Variants in STK39 observed in about 807,000 individuals in gnomAD.
STK39 encodes serine/threonine kinase 39.
A neutral mutation model predicts 77.8 loss-of-function variants in STK39; 20 were observed. That is an observed-to-expected ratio of 0.26 (90% CI 0.18 to 0.37). The LOEUF (loss-of-function observed/expected upper bound fraction) is 0.37. Ranked by LOEUF, STK39 falls within the 10% of genes least tolerant of loss-of-function variation. The pLI, the probability that STK39 is intolerant of heterozygous loss-of-function variation, is 1.00. For synonymous variants in STK39, 246 were observed against 234.1 expected (o/e 1.05, Z -0.47); for missense variants, 479 against 656.5 (o/e 0.73, Z 2.95).
chr2:168,246,451 G>A (rs1429639404), intron 1 of STK39, among the ~76,000 whole-genome samples: 5 of 152,250 alleles, frequency 3.3e-5, no homozygotes, highest in Admixed American at 1.3e-4. Flanking sequence ...CGGCAGCCTC[G>A]GATTTCACTC....
At chr2:168,126,966 T>C (rs538571856) in intron 10 of STK39, among the ~76,000 whole-genome samples, 22 of 152,182 alleles carry the variant, frequency 1.4e-4, no homozygotes, top group African/African-American at 4.8e-4. Context: ...CCACCTTGCA[T>C]TTGAAGGGAT....
intron 1 of STK39, chr2:168,231,972 A>G: frequency 1.7e-5 from 4 of 239,248 alleles, no homozygotes; most frequent in Non-Finnish European, 2.8e-5. Flanking sequence ...GATCTGTCTT[A>G]GAGCTCCTCA....
intron 10 of STK39, among the ~76,000 whole-genome samples, chr2:168,093,913 A>G (rs190459326): frequency 5.5e-4 from 83 of 152,278 alleles, no homozygotes; most frequent in African/African-American, 1.9e-3. Flanking sequence ...CCACCTCTGC[A>G]TATCTTCCCT....
chr2:168,225,591 A>G (rs1220086989), intron 1 of STK39, among the ~76,000 whole-genome samples: 1 of 152,218 alleles, frequency 6.6e-6, no homozygotes, highest in African/African-American at 2.4e-5. Context: ...CCCAATTTAC[A>G]ATCCATAAGG....
chr2:167,995,194 C>T (rs1683804277), intron 16 of STK39, among the ~76,000 whole-genome samples: 1 of 152,056 alleles, frequency 6.6e-6, no homozygotes, highest in African/African-American at 2.4e-5. Flanking sequence ...ACTGCAACCT[C>T]TGCCTCCCGG....
chr2:168,111,054 C>T (rs1188564289), intron 10 of STK39, among the ~76,000 whole-genome samples: 1 of 152,048 alleles, frequency 6.6e-6, no homozygotes, highest in Non-Finnish European at 1.5e-5. Flanking sequence ...GACTACTCAT[C>T]TTTCTATTTT....
At chr2:168,040,599 A>T (rs115235435) in intron 14 of STK39, among the ~76,000 whole-genome samples, 1,535 of 152,336 alleles carry the variant, frequency 0.01, 33 homozygotes, top group African/African-American at 0.035. Flanking sequence ...CCTTCCCAAT[A>T]AATTTTTTAT....
At chr2:167,957,252 A>G (rs983445868) in intron 17 of STK39, among the ~76,000 whole-genome samples, 3 of 152,332 alleles carry the variant, frequency 2.0e-5, no homozygotes, top group Admixed American at 1.3e-4. Context: ...AAAGAAAGGA[A>G]TTTACTTTGT....
At chr2:168,162,949 C>G (rs1191437919) in intron 4 of STK39, among the ~76,000 whole-genome samples, 3 of 151,674 alleles carry the variant, frequency 2.0e-5, no homozygotes, top group Non-Finnish European at 4.4e-5. Context: ...ATTGCTTGAA[C>G]TCGGGAGGCA....
At chr2:168,028,416 G>A (rs1227427722) in intron 14 of STK39, among the ~76,000 whole-genome samples, 1 of 152,120 alleles carries the variant, frequency 6.6e-6, no homozygotes, top group Non-Finnish European at 1.5e-5. Context: ...TCAAGATTAT[G>A]GAACTATAAT....
intron 16 of STK39, among the ~76,000 whole-genome samples, chr2:168,003,297 C>T (rs147287398): frequency 1.3e-5 from 2 of 152,136 alleles, no homozygotes; most frequent in Admixed American, 1.3e-4. Context: ...TATCTTAATT[C>T]ATCTAGAAAT....
chr2:168,034,262 T>C (rs1464940601), intron 14 of STK39, among the ~76,000 whole-genome samples: 1 of 152,230 alleles, frequency 6.6e-6, no homozygotes, highest in Non-Finnish European at 1.5e-5. Context: ...AGACTGGGAT[T>C]GACTTACCTT....
At chr2:168,089,264 C>T (rs1448426878) in intron 10 of STK39, among the ~76,000 whole-genome samples, 1 of 152,214 alleles carries the variant, frequency 6.6e-6, no homozygotes, top group Non-Finnish European at 1.5e-5. Context: ...ATTCTCCCTG[C>T]CTTCTTCGTC....
At chr2:167,956,726 T>TCCCC (rs1559032457) in intron 17 of STK39, among the ~76,000 whole-genome samples, 1 of 47,758 alleles carries the variant, frequency 2.1e-5, no homozygotes, top group Non-Finnish European at 4.5e-5. Context: ...TCTCTCTCTC[T>TCCCC]CTCCCCCCCC....
At chr2:168,033,806 C>T (rs543205060) in intron 14 of STK39, among the ~76,000 whole-genome samples, 18 of 152,252 alleles carry the variant, frequency 1.2e-4, no homozygotes, top group Middle Eastern at 3.4e-3. Context: ...GTAACACTGA[C>T]GAGCTATGAG....
At chr2:168,230,190 GATTTTACCACTCCTCCCAAAAAGTA>G (rs1328647497) in intron 1 of STK39, among the ~76,000 whole-genome samples, 3 of 152,110 alleles carry the variant, frequency 2.0e-5, no homozygotes, top group Non-Finnish European at 4.4e-5. Flanking sequence ...TCTGCCATGG[GATTTTACCACTCCTCCCAAAAAGTA>G]GAAAAATCTA....
chr2:167,990,217 G>C (rs1216999974), intron 16 of STK39, among the ~76,000 whole-genome samples: 1 of 152,194 alleles, frequency 6.6e-6, no homozygotes, highest in African/African-American at 2.4e-5. Flanking sequence ...CAGTGGCCTG[G>C]TACCTGATAC....
At chr2:167,997,778 C>T (rs1683884946) in intron 16 of STK39, among the ~76,000 whole-genome samples, 3 of 152,192 alleles carry the variant, frequency 2.0e-5, no homozygotes, top group Admixed American at 6.5e-5. Context: ...ACTGATTTTA[C>T]TAACATTCAT....
intron 17 of STK39, among the ~76,000 whole-genome samples, chr2:167,962,504 T>C (rs1692012514): frequency 6.6e-6 from 1 of 152,188 alleles, no homozygotes; most frequent in Non-Finnish European, 1.5e-5. Context: ...TCGTTAACCA[T>C]CTTTATCTTT....
Sources: gnomAD v4.1 joint callset for allele counts (sites outside exome capture counted in the v4.1 genomes callset) on GRCh38, gnomAD v4.1.1 for gene constraint, MANE v1.5 for transcripts, NCBI Gene and HGNC (gene_info 2026-07-23, HGNC 2026-07-21) for gene names.